The following MTCL2 variants were observed in gnomAD, a reference collection of about 807,000 sequenced individuals.
The protein encoded by MTCL2 is microtubule crosslinking factor 2.
chr20:36,851,860 G>A, the MTCL2 span, among the ~76,000 whole-genome samples: 4 of 152,110 alleles, frequency 2.6e-5, no homozygotes, highest in African/African-American at 7.2e-5. Flanking sequence ...GGCCCTCAGA[G>A]GGGAGGAGAA....
At chr20:36,793,891 G>A in the MTCL2 span, 1 of 1,550,542 alleles carries the variant, frequency 6.4e-7, no homozygotes, top group Non-Finnish European at 8.7e-7. This position sits in a 1 kb window ranked among gnomAD's most constrained non-coding sequence, Gnocchi z 6.8. Context: ...CATGGAGGCT[G>A]CTGCGGGGTG....
the MTCL2 span, among the ~76,000 whole-genome samples, chr20:36,818,519 G>C: frequency 2.6e-5 from 4 of 152,228 alleles, no homozygotes; most frequent in African/African-American, 9.6e-5. Flanking sequence ...CCAGAAGCTG[G>C]TCTGGCATAG....
At chr20:36,783,779 A>G in the MTCL2 span, 4 of 985,316 alleles carry the variant, frequency 4.1e-6, no homozygotes, top group Non-Finnish European at 4.8e-6. Context: ...TAGAAATCAC[A>G]TTCCAAAAGA....
chr20:36,812,070 C>A, the MTCL2 span, among the ~76,000 whole-genome samples: 2 of 152,170 alleles, frequency 1.3e-5, no homozygotes, highest in African/African-American at 4.8e-5. Flanking sequence ...GATGGGGAAG[C>A]TGTGGCCAGA....
chr20:36,798,813 C>A, the MTCL2 span, among the ~76,000 whole-genome samples: 8 of 152,288 alleles, frequency 5.3e-5, no homozygotes, highest in East Asian at 1.5e-3. Context: ...GTAACCAACT[C>A]ATCTTGGTTT....
chr20:36,856,566 C>T, the MTCL2 span, among the ~76,000 whole-genome samples: 1 of 152,214 alleles, frequency 6.6e-6, no homozygotes. Flanking sequence ...GCCCTGGGCC[C>T]AGGAGCTGGG....
At chr20:36,834,218 G>T in the MTCL2 span, among the ~76,000 whole-genome samples, 1 of 151,376 alleles carries the variant, frequency 6.6e-6, no homozygotes, top group Non-Finnish European at 1.5e-5. Context: ...GCAGCATTCT[G>T]GACTCCGTGT....
chr20:36,833,570 C>T, the MTCL2 span, among the ~76,000 whole-genome samples: 3 of 152,212 alleles, frequency 2.0e-5, no homozygotes, highest in African/African-American at 2.4e-5. Context: ...AGCTCCTGGC[C>T]GGGCATGGTG....
chr20:36,837,309 AG>A, the MTCL2 span, among the ~76,000 whole-genome samples: 1 of 152,140 alleles, frequency 6.6e-6, no homozygotes, highest in Non-Finnish European at 1.5e-5. Context: ...GAAGACAGGC[AG>A]GGGGACATCC....
At chr20:36,819,462 A>G in the MTCL2 span, among the ~76,000 whole-genome samples, 4 of 152,206 alleles carry the variant, frequency 2.6e-5, no homozygotes, top group African/African-American at 9.7e-5. Flanking sequence ...AAGGTCTCAC[A>G]GTACACCCAC....
the MTCL2 span, among the ~76,000 whole-genome samples, chr20:36,828,072 C>T: frequency 2.0e-5 from 3 of 152,204 alleles, no homozygotes; most frequent in Non-Finnish European, 4.4e-5. Flanking sequence ...CTGGCAGGCT[C>T]GCCCTCGGGG....
the MTCL2 span, among the ~76,000 whole-genome samples, chr20:36,853,563 A>G: frequency 6.6e-6 from 1 of 152,146 alleles, no homozygotes; most frequent in Admixed American, 6.5e-5. Flanking sequence ...AGGCACTATT[A>G]TTATTTTATC....
chr20:36,805,578 T>G, the MTCL2 span, among the ~76,000 whole-genome samples: 3 of 152,170 alleles, frequency 2.0e-5, no homozygotes, highest in African/African-American at 2.4e-5. Context: ...TCCCCTATTC[T>G]CTATTAGGTA....
chr20:36,831,075 C>T, the MTCL2 span, among the ~76,000 whole-genome samples: 6 of 152,194 alleles, frequency 3.9e-5, no homozygotes, highest in African/African-American at 1.4e-4. Flanking sequence ...TGGTAGACAC[C>T]CTCTGTTCTG....
the MTCL2 span, among the ~76,000 whole-genome samples, chr20:36,818,237 A>G: frequency 6.6e-6 from 1 of 152,216 alleles, no homozygotes; most frequent in African/African-American, 2.4e-5. Context: ...TGAAACTGAC[A>G]TCTAGTGGGA....
the MTCL2 span, chr20:36,829,171 C>T: frequency 6.2e-7 from 1 of 1,610,438 alleles, no homozygotes; most frequent in African/African-American, 1.3e-5. Context: ...TCTCCACCAC[C>T]TCGAGCTCCT....
chr20:36,831,051 C>T, the MTCL2 span, among the ~76,000 whole-genome samples: 1 of 152,226 alleles, frequency 6.6e-6, no homozygotes, highest in Non-Finnish European at 1.5e-5. Context: ...TCTGTAGCAA[C>T]AGCACCCCAT....
At chr20:36,862,049 C>T in the MTCL2 span, among the ~76,000 whole-genome samples, 12 of 152,338 alleles carry the variant, frequency 7.9e-5, no homozygotes, top group Non-Finnish European at 1.6e-4. Context: ...GCCTCTGAAC[C>T]GGTTCTCCCA....
At chr20:36,795,367 G>C in the MTCL2 span, among the ~76,000 whole-genome samples, 1 of 152,180 alleles carries the variant, frequency 6.6e-6, no homozygotes, top group East Asian at 1.9e-4. Flanking sequence ...TGGGATTAGA[G>C]GCATGAGCCA....
Sources: allele counts gnomAD v4.1 joint callset (sites outside exome capture counted in the v4.1 genomes callset), GRCh38; gene constraint gnomAD v4.1.1; non-coding constraint Gnocchi (gnomAD v3.1); transcripts MANE v1.5; gene names NCBI Gene and HGNC (gene_info 2026-07-23, HGNC 2026-07-21).